The following PCDHGA6 variants were observed in gnomAD, a reference collection of about 807,000 sequenced individuals.
PCDHGA6 encodes protocadherin gamma subfamily A, 6, also known as protocadherin gamma-A6.
Under a neutral mutation model 60.6 loss-of-function variants are expected in PCDHGA6, and 41 were observed. That is an observed-to-expected ratio of 0.68 (90% confidence interval 0.53 to 0.88). PCDHGA6 has a LOEUF of 0.88. Ranked by LOEUF, PCDHGA6 falls within the 40% of genes least tolerant of loss-of-function variation. PCDHGA6 has a pLI of 0.00. For missense variants in PCDHGA6, 1,312 were observed against 1,203.0 expected (o/e 1.09, Z -1.34); for synonymous variants, 594 against 524.4 (o/e 1.13, Z -1.81).
In PCDHGA6 at chr5:141,487,747, CTA is replaced by C. The variant is rs2099663990; in HGVS notation, c.2425-7058_2425-7057del. 1 of 1,558,062 alleles carries C rather than the reference CTA, an allele frequency of 6.4e-7. No individual in the cohort carries two copies. The highest frequency in any genetic ancestry group is 2.4e-5 in the East Asian group (1 of 41,708). On this transcript the variant is annotated intron_variant, in intron 1 of 3. Coordinates refer to ENST00000517434, the MANE Select transcript of PCDHGA6 (RefSeq NM_018919.3). This position sits in a 1 kb window ranked among gnomAD's most constrained non-coding sequence, Gnocchi z 5.0. ...ATGTCACCATTTTTGTAAGAGGTAA[CTA>C]TGTGGTAGACGCTGTGCTTTGTAAC... is the stretch of plus-strand genomic sequence containing the variant.
In PCDHGA6 at chr5:141,375,141, G is replaced by A. The variant is rs745587842; in HGVS notation, c.1058G>A (p.Ser353Asn). Reference sequence around the variant, plus strand: ...CCAGAAGTGGTTGTTACATCTGGAAGCAGAACAATTGCTGAAAGTGCACCT... The same window carrying A: ...CCAGAAGTGGTTGTTACATCTGGAAACAGAACAATTGCTGAAAGTGCACCT... ...NVPEVVVTSG[S>N]RTIAESAPPG... The change falls in exon 1 of 4, where the codon AGC becomes AAC. Residue 353 changes from serine to asparagine, a missense_variant. Transcript: ENST00000517434. The A allele has an allele frequency of 1.9e-6, 3 of 1,613,962 alleles. No individual in the cohort carries two copies. Among genetic ancestry groups the A allele is most frequent in the Admixed American group, 1.7e-5 (1 of 60,032 alleles).
chr5:141,419,007 GGT>G (rs1181124538), intron 1 of PCDHGA6: 1 of 1,613,978 alleles, frequency 6.2e-7, no homozygotes, highest in South Asian at 1.1e-5. Flanking sequence ...GGGGAAGTCA[GGT>G]GTAGCTTAAG....
intron 1 of PCDHGA6, among the ~76,000 whole-genome samples, chr5:141,406,925 G>A (rs1003832711): frequency 2.0e-5 from 3 of 152,268 alleles, no homozygotes; most frequent in African/African-American, 7.2e-5. Flanking sequence ...AGAGAATAAT[G>A]TATTATTTAA....
chr5:141,412,131 G>A (rs2095537626), intron 1 of PCDHGA6: 1 of 152,156 alleles, frequency 6.6e-6, no homozygotes, highest in Non-Finnish European at 1.5e-5. Flanking sequence ...CTGGACTTTG[G>A]CCTCTGATAC....
intron 1 of PCDHGA6, among the ~76,000 whole-genome samples, chr5:141,458,351 T>A (rs903399511): frequency 2.0e-5 from 3 of 152,010 alleles, no homozygotes; most frequent in African/African-American, 7.3e-5. Flanking sequence ...GAGAGTTTAA[T>A]AAGCAAGAAG....
intron 1 of PCDHGA6, chr5:141,424,104 A>G (rs1049098128): frequency 6.2e-6 from 5 of 812,458 alleles, no homozygotes; most frequent in Non-Finnish European, 6.1e-6. Flanking sequence ...ATTACTGCTA[A>G]TGTTCAAATT....
intron 1 of PCDHGA6, chr5:141,388,885 A>G (rs1359019533): frequency 1.9e-6 from 3 of 1,614,002 alleles, no homozygotes; most frequent in East Asian, 2.2e-5. Context: ...GTGGAGGTAG[A>G]AGTCATAGAT....
chr5:141,398,936 A>G (rs1377976758), intron 1 of PCDHGA6: 2 of 1,613,962 alleles, frequency 1.2e-6, no homozygotes, highest in South Asian at 2.2e-5. Context: ...ACTGACCAAG[A>G]CGAGGGCATC....
At chr5:141,395,557 T>C (rs1405901510) in intron 1 of PCDHGA6, 1 of 136,750 alleles carries the variant, frequency 7.3e-6, no homozygotes, top group East Asian at 1.5e-4. Context: ...TGTGTGTGTG[T>C]GTGTGTGTGT....
intron 1 of PCDHGA6, chr5:141,414,589 G>T: frequency 1.2e-6 from 2 of 1,613,834 alleles, no homozygotes; most frequent in African/African-American, 2.7e-5. Flanking sequence ...CAACGCCAGG[G>T]GTGCCTCCAT....
At chr5:141,437,764 A>G (rs1408729040) in intron 1 of PCDHGA6, among the ~76,000 whole-genome samples, 1 of 149,226 alleles carries the variant, frequency 6.7e-6, no homozygotes, top group Non-Finnish European at 1.5e-5. Flanking sequence ...TTTGAGACAG[A>G]GTCTCAATCT....
At position 141,432,459 on chromosome 5, in the gene PCDHGA6, T is replaced by A. The variant is rs1230209932; in HGVS notation, c.2424+55952T>A. The A allele has an allele frequency of 1.2e-6, 2 of 1,613,984 alleles. No homozygotes were observed. Among genetic ancestry groups the A allele is most frequent in the South Asian group, 1.1e-5 (1 of 91,082 alleles). ...GCGCCCGAGATCCTGTACCCCGCCCTCCCCACGGACGGTTCCACTGGCGTG... is the reference window on the plus strand; with the variant it reads ...GCGCCCGAGATCCTGTACCCCGCCCACCCCACGGACGGTTCCACTGGCGTG... On this transcript the variant is annotated intron_variant, in intron 1 of 3. Transcript: ENST00000517434. The surrounding 1 kb of genome is among the most constrained non-coding windows in gnomAD (Gnocchi z 6.0).
Position 141,476,793 on chromosome 5 carries a change from C to T in PCDHGA6, c.2425-18014C>T, listed in dbSNP as rs754785656. ...GACGGAGGGACCCCAGCTCTCTCCG[C>T]CAGCCTGCCTATTCACATCAAGGTG... On this transcript the variant is annotated intron_variant, in intron 1 of 3. Transcript: ENST00000517434. The surrounding 1 kb of genome is among the most constrained non-coding windows in gnomAD (Gnocchi z 7.6). 1.2e-6 allele frequency: 2 copies of T among 1,613,642 alleles called. No homozygotes were observed. The highest frequency in any genetic ancestry group is 2.2e-5 in the East Asian group (1 of 44,868).
chr5:141,374,274 T>C lies in PCDHGA6; in HGVS notation c.191T>C (p.Val64Ala), dbSNP rs981240859. ...CCCCAGGAGTTGGCGGAGCACGGAG[T>C]CCGCATCGTCTCCAGAGGTAGGATG... ...LEPQELAEHG[V>A]RIVSRGRMQL... Residue 64 changes from valine (V) to alanine (A), a missense_variant, in exon 1 of 4, where the codon GTC becomes GCC. Transcript: ENST00000517434. The C allele has an allele frequency of 6.2e-7, 1 of 1,613,742 alleles. No homozygotes were observed. Among genetic ancestry groups the C allele is most frequent in the African/African-American group, 1.3e-5 (1 of 74,888 alleles).
At chr5:141,478,231 T>C (rs1423148) in intron 1 of PCDHGA6, 739,438 of 1,613,786 alleles carry the variant, frequency 0.46, 177,434 homozygotes, top group African/African-American at 0.83. Flanking sequence ...CTGTGGGGTT[T>C]GTGGTCACAG....
chr5:141,399,491 T>A, intron 1 of PCDHGA6: 1 of 1,614,022 alleles, frequency 6.2e-7, no homozygotes, highest in African/African-American at 1.3e-5. Flanking sequence ...TCCTACTTAG[T>A]CAGTGTACCC....
intron 1 of PCDHGA6, among the ~76,000 whole-genome samples, chr5:141,402,680 TATA>T (rs1441272447): frequency 2.4e-4 from 36 of 152,348 alleles, no homozygotes; most frequent in African/African-American, 7.9e-4. Context: ...AGCCATCTGA[TATA>T]ATGTTACACA....
At chr5:141,438,710 G>C (rs568772648) in intron 1 of PCDHGA6, among the ~76,000 whole-genome samples, 2 of 147,308 alleles carry the variant, frequency 1.4e-5, no homozygotes, top group South Asian at 4.3e-4. Context: ...ACCCAGGCTG[G>C]AGTGCAAGTG....
In PCDHGA6 at chr5:141,485,269, C is replaced by T. The variant is rs760197007; in HGVS notation, c.2425-9538C>T. The T allele has an allele frequency of 6.2e-7, 1 of 1,614,090 alleles. No homozygotes were observed. Among genetic ancestry groups the T allele is most frequent in the Admixed American group, 1.7e-5 (1 of 60,028 alleles). On this transcript the variant is annotated intron_variant, in intron 1 of 3. Transcript: ENST00000517434. The surrounding 1 kb of genome is among the most constrained non-coding windows in gnomAD (Gnocchi z 5.7). ...TGGGTTACGTTTGTGGGCAGATCCG[C>T]TACCCGGTCCCAGAGGAGTCACAGG... is the stretch of plus-strand genomic sequence containing the variant.
Sources: gnomAD v4.1 joint callset for allele counts (sites outside exome capture counted in the v4.1 genomes callset) on GRCh38, gnomAD v4.1.1 for gene constraint, Gnocchi (gnomAD v3.1) non-coding constraint, MANE v1.5 for transcripts, NCBI Gene and HGNC (gene_info 2026-07-23, HGNC 2026-07-21) for gene names.